Variants in CYRIB observed in about 807,000 individuals in gnomAD.
The protein encoded by CYRIB is CYFIP related Rac1 interactor B, also known as CYFIP-related Rac1 interactor B.
CYRIB carries 8 observed loss-of-function variants against 44.2 expected under a neutral mutation model. The observed-to-expected ratio is 0.18, with a 90% CI of 0.11 to 0.33. The LOEUF (loss-of-function observed/expected upper bound fraction) is 0.33. Among genes scored for constraint, CYRIB ranks in the 10% least tolerant of loss-of-function variants. CYRIB has a pLI of 1.00. For missense variants in CYRIB, 185 were observed against 382.8 expected (o/e 0.48, Z 4.31); for synonymous variants, 131 against 127.2 (o/e 1.03, Z -0.20).
chr8:129,895,794 C>T (rs982119858), intron 2 of CYRIB, among the ~76,000 whole-genome samples: 1 of 152,136 alleles, frequency 6.6e-6, no homozygotes, highest in Admixed American at 6.5e-5. Flanking sequence ...TCTTGAACTC[C>T]TAGGCTCAAG....
At chr8:129,873,648 T>C (rs547556800) in intron 3 of CYRIB, among the ~76,000 whole-genome samples, 26 of 152,132 alleles carry the variant, frequency 1.7e-4, no homozygotes, top group African/African-American at 6.3e-4. Context: ...ATATCAAAGG[T>C]ATCTGTGAAG....
intron 1 of CYRIB, among the ~76,000 whole-genome samples, chr8:129,987,735 T>C (rs2096515847): frequency 6.6e-6 from 1 of 151,890 alleles, no homozygotes; most frequent in African/African-American, 2.4e-5. Context: ...CCTCGCCCAG[T>C]TAATTTTTGT....
At chr8:129,910,105 C>CA (rs2077208250) in intron 1 of CYRIB, among the ~76,000 whole-genome samples, 1 of 152,274 alleles carries the variant, frequency 6.6e-6, no homozygotes, top group African/African-American at 2.4e-5. Flanking sequence ...CTTCGCATGC[C>CA]ATAGGTGCTA....
intron 1 of CYRIB, among the ~76,000 whole-genome samples, chr8:129,938,627 T>C (rs569253041): frequency 6.6e-6 from 1 of 152,314 alleles, no homozygotes; most frequent in South Asian, 2.1e-4. Context: ...TCAAACAATG[T>C]TGCTGACAGA....
chr8:129,906,522 C>T (rs1223883852), intron 1 of CYRIB, among the ~76,000 whole-genome samples: 1 of 152,146 alleles, frequency 6.6e-6, no homozygotes, highest in Non-Finnish European at 1.5e-5. Context: ...TACGCAATAC[C>T]ATTCAGGACA....
chr8:129,954,161 T>C (rs1297846567), intron 2 of CYRIB, among the ~76,000 whole-genome samples: 1 of 152,168 alleles, frequency 6.6e-6, no homozygotes, highest in African/African-American at 2.4e-5. Flanking sequence ...TCTGGTCTTA[T>C]CTCAACCCAC....
intron 1 of CYRIB, among the ~76,000 whole-genome samples, chr8:129,935,161 G>A (rs531814133): frequency 4.6e-5 from 7 of 152,210 alleles, no homozygotes; most frequent in East Asian, 1.9e-4. Context: ...TATGACATCC[G>A]GGACTATGTC....
At chr8:129,927,019 A>C (rs1458695436) in intron 1 of CYRIB, among the ~76,000 whole-genome samples, 1 of 152,194 alleles carries the variant, frequency 6.6e-6, no homozygotes, top group East Asian at 1.9e-4. Context: ...GGAGTGGCTC[A>C]TGCCTGTAAT....
intron 1 of CYRIB, among the ~76,000 whole-genome samples, chr8:129,903,960 T>C (rs1249920647): frequency 1.3e-5 from 2 of 152,196 alleles, no homozygotes; most frequent in African/African-American, 4.8e-5. Flanking sequence ...GCTATTTTGC[T>C]CAGGCTGGTC....
At chr8:130,016,118 G>A (rs1415093462) in intron 1 of CYRIB, among the ~76,000 whole-genome samples, 2 of 148,214 alleles carry the variant, frequency 1.3e-5, no homozygotes, top group Non-Finnish European at 3.0e-5. Context: ...GCGTCCGCCC[G>A]CCGCCCCCCG....
At chr8:129,908,052 A>T (rs997112679) in intron 1 of CYRIB, among the ~76,000 whole-genome samples, 2 of 152,206 alleles carry the variant, frequency 1.3e-5, no homozygotes, top group Non-Finnish European at 2.9e-5. Context: ...TGGAAAACTA[A>T]GACAGACCCT....
chr8:129,981,815 G>A (rs936597931), intron 1 of CYRIB, among the ~76,000 whole-genome samples: 3 of 152,072 alleles, frequency 2.0e-5, no homozygotes, highest in African/African-American at 4.8e-5. Flanking sequence ...ACTGCTTCCC[G>A]GGCTTCAGGT....
chr8:129,941,568 C>G (rs1282657969), upstream of CYRIB, among the ~76,000 whole-genome samples: 1 of 152,108 alleles, frequency 6.6e-6, no homozygotes, highest in Admixed American at 6.5e-5. Flanking sequence ...GCCACCGCCC[C>G]CAGCTGGAGA....
intron 1 of CYRIB, among the ~76,000 whole-genome samples, chr8:129,980,243 A>AGG (rs2096163442): frequency 6.6e-6 from 1 of 151,358 alleles, no homozygotes; most frequent in African/African-American, 2.4e-5. Context: ...AAAAAAAAAA[A>AGG]AAAGAAAAGA....
intron 1 of CYRIB, among the ~76,000 whole-genome samples, chr8:129,935,261 T>C (rs1327096888): frequency 1.3e-5 from 2 of 152,244 alleles, no homozygotes; most frequent in Non-Finnish European, 2.9e-5. Context: ...CATACCAATG[T>C]ATGATTGGAA....
intron 1 of CYRIB, among the ~76,000 whole-genome samples, chr8:129,994,016 T>A (rs1467686508): frequency 6.6e-6 from 1 of 152,188 alleles, no homozygotes; most frequent in Admixed American, 6.5e-5. Flanking sequence ...GGTTATATAC[T>A]GAATTGTGTC....
intron 5 of CYRIB, among the ~76,000 whole-genome samples, chr8:129,857,011 C>T (rs984956722): frequency 6.6e-6 from 1 of 152,224 alleles, no homozygotes; most frequent in South Asian, 2.1e-4. Context: ...ATAGTAGGTA[C>T]TTCCTGTGTG....
chr8:129,999,766 A>G lies in CYRIB; in HGVS notation c.-296+16604T>C, dbSNP rs143398363. ...TTCAGCCTCCCGAATAGCTGGGACTACTGATGAGTGCTACCACGCCCAGAT... is the reference window on the plus strand; with the variant it reads ...TTCAGCCTCCCGAATAGCTGGGACTGCTGATGAGTGCTACCACGCCCAGAT... On this transcript the variant is annotated intron_variant, in intron 1 of 14. Coordinates refer to the CYRIB transcript ENST00000401979. Among the ~76,000 whole-genome samples the G allele has an allele frequency of 5.3e-5, 8 of 152,310 alleles. No individual in the cohort carries two copies. The East Asian group carries it at 7.7e-4, about 15-fold the overall frequency.
chr8:129,873,282 A>G (rs4395866), intron 3 of CYRIB, among the ~76,000 whole-genome samples: 33,207 of 151,878 alleles, frequency 0.22, 4,672 homozygotes, highest in East Asian at 0.53. Context: ...AAGGCTACAA[A>G]GGTATTATCA....
Sources: gnomAD v4.1 joint callset for allele counts (sites outside exome capture counted in the v4.1 genomes callset) on GRCh38, gnomAD v4.1.1 for gene constraint, MANE v1.5 for transcripts, NCBI Gene and HGNC (gene_info 2026-07-23, HGNC 2026-07-21) for gene names.